TRPM1: variants seen among roughly 807,000 people sequenced by gnomAD.
TRPM1 encodes the protein transient receptor potential cation channel subfamily M member 1.
In TRPM1, 113 loss-of-function variants were observed where a neutral mutation model predicts 149.4. That is an observed-to-expected ratio of 0.76 (90% CI 0.65 to 0.88). TRPM1 has a LOEUF of 0.88. Ranked by LOEUF, TRPM1 falls within the 40% of genes least tolerant of loss-of-function variation. The pLI is 0.00. For missense variants in TRPM1, 1,976 were observed against 2,038.7 expected (o/e 0.97, Z 0.59); for synonymous variants, 741 against 759.5 (o/e 0.98, Z 0.40).
rs1596015801 is a variant in TRPM1, at chr15:31,047,763, G to A, written c.1623+126C>T. On this transcript the variant is annotated intron_variant, in intron 14 of 27. Transcript: ENST00000256552. Reference sequence around the variant, plus strand: ...TCTTAGTTTTAAATAGACTCTTTACGAAAGAAGGAATTCATTATCTCCTGT... The same window carrying A: ...TCTTAGTTTTAAATAGACTCTTTACAAAAGAAGGAATTCATTATCTCCTGT... The A allele has an allele frequency of 7.2e-6, 6 of 837,586 alleles. No homozygotes were observed. The East Asian group carries it at 1.3e-4, about 18-fold the overall frequency. The allele number at this position is 837,586 out of a possible 1,614,324, so 51.9% of individuals were successfully genotyped here. A position where few individuals can be genotyped will look rare whatever the true frequency, so the allele number is the denominator to read the frequency against.
At chr15:31,041,324 T>C (rs2033609720) in intron 17 of TRPM1, among the ~76,000 whole-genome samples, 1 of 152,052 alleles carries the variant, frequency 6.6e-6, no homozygotes, top group Non-Finnish European at 1.5e-5. Flanking sequence ...CGGGCTAAAA[T>C]ATATTTTAGT....
chr15:31,007,499 A>G (rs1030889352), intron 27 of TRPM1, among the ~76,000 whole-genome samples: 2 of 152,096 alleles, frequency 1.3e-5, no homozygotes, highest in African/African-American at 4.8e-5. Flanking sequence ...TTTCCATTTA[A>G]TTTTCAAAAT....
At chr15:31,064,390 T>A (rs2034313883) in intron 7 of TRPM1, among the ~76,000 whole-genome samples, 1 of 152,168 alleles carries the variant, frequency 6.6e-6, no homozygotes, top group African/African-American at 2.4e-5. Flanking sequence ...GGGTACCAAC[T>A]AACTTTTGGT....
intron 27 of TRPM1, among the ~76,000 whole-genome samples, chr15:31,017,198 C>T (rs950624182): frequency 6.6e-6 from 1 of 151,830 alleles, no homozygotes; most frequent in Non-Finnish European, 1.5e-5. Context: ...CCCAGCTACT[C>T]GGGAGGCTGA....
chr15:31,002,834 G>T lies in TRPM1; in HGVS notation c.3866C>A (p.Ala1289Asp). 6.2e-7 allele frequency: 1 copy of T among 1,614,206 alleles called. No individual in the cohort carries two copies. Among genetic ancestry groups the T allele is most frequent in the Non-Finnish European group, 8.5e-7 (1 of 1,180,044 alleles). Reference sequence around the variant, plus strand: ...ATATCGATACAAGCTGTAGCCATCAGCGCTATTGATGCTGCTTTGCCGGAG... The same window carrying T: ...ATATCGATACAAGCTGTAGCCATCATCGCTATTGATGCTGCTTTGCCGGAG... ...YLLRQSSINS[A>D]DGYSLYRYHF... The change falls in exon 28 of 28, where the codon GCT (alanine) becomes GAT (aspartate). Residue 1289 changes from alanine (A) to aspartate (D), a missense_variant. This residue lies in a region of TRPM1 where 572 missense variants were observed against 578.9 expected (regional missense o/e 0.99). Coordinates refer to ENST00000256552, the MANE Select transcript of TRPM1 (RefSeq NM_001252024.2).
chr15:31,038,213 A>G (rs1221583541), intron 18 of TRPM1, 47 bp from the exon 19 acceptor site: 3 of 1,607,204 alleles, frequency 1.9e-6, no homozygotes, highest in Non-Finnish European at 1.7e-6. Flanking sequence ...TTCTAGAAAA[A>G]TGTCCCAGCA....
intron 26 of TRPM1, 143 bp from the exon 27 acceptor site, chr15:31,026,414 T>G (rs2140899650): frequency 9.5e-7 from 1 of 1,048,464 alleles, no homozygotes; most frequent in South Asian, 1.4e-5. Context: ...CAATTGATTT[T>G]TATCTAAAAA....
chr15:31,128,546 G>A (rs1031362373), intron 1 of TRPM1, among the ~76,000 whole-genome samples: 3 of 152,158 alleles, frequency 2.0e-5, no homozygotes, highest in Admixed American at 2.0e-4. Flanking sequence ...TATTTCAGGT[G>A]CCACAACCCC....
Position 31,077,024 on chromosome 15 carries a change from C to T in TRPM1, c.4-40G>A, listed in dbSNP as rs778596590. ...GAAGTGGATATTGGACCAATACATTCCCAAGCCATCATCAGAGTCCATTCT... is the reference window on the plus strand; with the variant it reads ...GAAGTGGATATTGGACCAATACATTTCCAAGCCATCATCAGAGTCCATTCT... On this transcript the variant is annotated intron_variant, in intron 2 of 27. Coordinates refer to ENST00000256552, the MANE Select transcript of TRPM1 (RefSeq NM_001252024.2). The T allele has an allele frequency of 3.1e-6, 4 of 1,306,908 alleles. No homozygotes were observed. The African/African-American group carries it at 4.4e-5, about 14-fold the overall frequency. The allele number at this position is 1,306,908 out of a possible 1,614,324, so 81.0% of individuals were successfully genotyped here.
intron 11 of TRPM1, among the ~76,000 whole-genome samples, chr15:31,051,766 A>T (rs2033953863): frequency 6.6e-6 from 1 of 152,246 alleles, no homozygotes; most frequent in East Asian, 1.9e-4. Flanking sequence ...CTCTCTCCCC[A>T]GAGCTCCTGT....
At position 31,046,268 on chromosome 15, in the gene TRPM1, TAC is replaced by T. The variant is rs780550966; in HGVS notation, c.1765-37_1765-36del. On this transcript the variant is annotated intron_variant, in intron 15 of 27. Coordinates refer to ENST00000256552, the MANE Select transcript of TRPM1 (RefSeq NM_001252024.2). ...GAAAGAGGAAGAAAAAAAATCAATT[TAC>T]TTAGATAACTAATGTTAGTAGTACA... The T allele has an allele frequency of 1.1e-4, 175 of 1,604,100 alleles. 1 individual carries two copies. The African/African-American group carries it at 2.2e-3, about 20-fold the overall frequency.
At position 31,069,529 on chromosome 15, in the gene TRPM1, C is replaced by A. The variant is rs2034473166; in HGVS notation, c.279+502G>T. ...CGGATCACAGAGCTGAAGCCTCCCC[C>A]ACGCTGGCAGGGCTCACTGGAAGGG... On this transcript the variant is annotated intron_variant, in intron 4 of 27. Transcript: ENST00000256552. The A allele has an allele frequency of 7.0e-6, 8 of 1,140,428 alleles. No homozygotes were observed. The South Asian group carries it at 1.6e-4, about 22-fold the overall frequency. 70.6% of individuals were successfully genotyped at this position (1,140,428 alleles called of 1,614,324 possible).
At chr15:31,023,731 G>A (rs2032626110) in intron 27 of TRPM1, among the ~76,000 whole-genome samples, 1 of 152,206 alleles carries the variant, frequency 6.6e-6, no homozygotes, top group Non-Finnish European at 1.5e-5. Context: ...TGGAGTGCAA[G>A]TTTGGGAGGA....
intron 18 of TRPM1, among the ~76,000 whole-genome samples, chr15:31,039,755 T>C (rs1253698144): frequency 6.6e-6 from 1 of 152,184 alleles, no homozygotes; most frequent in Admixed American, 6.5e-5. Flanking sequence ...AGTCCCTCCT[T>C]TAATGGTGGG....
At chr15:31,021,279 T>G in intron 27 of TRPM1, among the ~76,000 whole-genome samples, 1 of 152,224 alleles carries the variant, frequency 6.6e-6, no homozygotes, top group South Asian at 2.1e-4. Flanking sequence ...TTCCTCTAGT[T>G]ACTATCTTGT....
intron 1 of TRPM1, among the ~76,000 whole-genome samples, chr15:31,154,912 G>A (rs936846561): frequency 2.0e-5 from 3 of 151,938 alleles, no homozygotes; most frequent in Admixed American, 1.3e-4. Flanking sequence ...CAGTACTCCT[G>A]GCTCACTGGC....
At chr15:31,003,894 C>G (rs1490816957) in intron 27 of TRPM1, among the ~76,000 whole-genome samples, 1 of 151,902 alleles carries the variant, frequency 6.6e-6, no homozygotes, top group Non-Finnish European at 1.5e-5. Context: ...GGGCAACAGC[C>G]TATGAAACCA....
At position 31,088,710 on chromosome 15, in the gene TRPM1, T is replaced by G. The variant is rs1311824515; in HGVS notation, c.-83-7272A>C. On this transcript the variant is annotated intron_variant, in intron 1 of 27. Coordinates refer to ENST00000256552, the MANE Select transcript of TRPM1 (RefSeq NM_001252024.2). ...CCTTTTTGGGATTTGGGGGCCGTCG[T>G]ATGAGATTGACTGAAGCGGCGGTAT... is the stretch of plus-strand genomic sequence containing the variant. Among the ~76,000 whole-genome samples the G allele has an allele frequency of 2.0e-5, 3 of 151,816 alleles. 1 individual carries two copies. Among genetic ancestry groups the G allele is most frequent in the East Asian group, 3.9e-4 (2 of 5,158 alleles).
chr15:31,074,488 C>T (rs1165763400), intron 3 of TRPM1, among the ~76,000 whole-genome samples: 4 of 152,040 alleles, frequency 2.6e-5, no homozygotes, highest in South Asian at 4.1e-4. Flanking sequence ...GCATATAAGT[C>T]ATAGTATTCT....
Sources: gnomAD v4.1 joint callset for allele counts (sites outside exome capture counted in the v4.1 genomes callset) on GRCh38, gnomAD v4.1.1 for gene constraint, gnomAD v4.1.1 regional missense constraint, MANE v1.5 for transcripts, NCBI Gene and HGNC (gene_info 2026-07-23, HGNC 2026-07-21) for gene names.